DPT: variants seen among roughly 807,000 people sequenced by gnomAD.
The protein encoded by DPT is tyrosine-rich acidic matrix protein.
In DPT, 21 loss-of-function variants were observed where a neutral mutation model predicts 31.2. The observed-to-expected ratio is 0.67, with a 90% CI of 0.48 to 0.97. The LOEUF (loss-of-function observed/expected upper bound fraction) is 0.97. Ranked by LOEUF, DPT falls within the 50% of genes least tolerant of loss-of-function variation. The pLI is 0.00. For synonymous variants in DPT, 91 were observed against 86.9 expected, an observed-to-expected ratio of 1.05 and a Z score of -0.26; for missense variants, 262 against 258.8, an observed-to-expected ratio of 1.01 and a Z score of -0.08.
chr1:168,724,166 C>T (rs1483589740), intron 1 of DPT, among the ~76,000 whole-genome samples: 6 of 152,168 alleles, frequency 3.9e-5, no homozygotes, highest in South Asian at 2.1e-4. Flanking sequence ...CATTCTGCGG[C>T]GGCAAAGTGT....
At position 168,728,890 on chromosome 1, in the gene DPT, G is replaced by C; in HGVS notation, c.285C>G (p.Ile95Met). Residue 95 changes from isoleucine to methionine, a missense_variant, in exon 1 of 4, where the codon ATC becomes ATG. By Grantham distance (10) the Ile-to-Met change is conservative. Transcript: ENST00000367817. The stretch of plus-strand genomic sequence containing the variant: ...CTTACCATTCCATGCCAGCCCTGTT[G>C]ATCTCCTCCCACCAGCACTCCGTGG... ...GEPTECWWEE[I>M]NRAGMEWYQT... 6.2e-7 allele frequency: 1 copy of C among 1,614,172 alleles called. No homozygotes were observed.
chr1:168,705,287 T>C (rs115961538), intron 2 of DPT, among the ~76,000 whole-genome samples: 7 of 152,306 alleles, frequency 4.6e-5, no homozygotes, highest in African/African-American at 1.7e-4. Context: ...CTGTTTCACT[T>C]GGGGAAATTA....
chr1:168,726,998 TG>T (rs1177301889), intron 1 of DPT, among the ~76,000 whole-genome samples: 2 of 152,220 alleles, frequency 1.3e-5, no homozygotes, highest in East Asian at 3.9e-4. Flanking sequence ...ACAGTCCGGC[TG>T]AGCCCCTCCA....
intron 1 of DPT, among the ~76,000 whole-genome samples, chr1:168,722,376 T>G (rs1260807271): frequency 6.6e-6 from 1 of 152,222 alleles, no homozygotes; most frequent in Non-Finnish European, 1.5e-5. Flanking sequence ...AATTTGGTTT[T>G]CAACTCCAGC....
chr1:168,698,932 A>G (rs147119156), intron 3 of DPT, among the ~76,000 whole-genome samples: 6 of 152,328 alleles, frequency 3.9e-5, no homozygotes, highest in Non-Finnish European at 5.9e-5. Context: ...TGATGACAGT[A>G]GCAAAGTTGC....
At chr1:168,707,035 A>G (rs1377269644) in intron 2 of DPT, among the ~76,000 whole-genome samples, 2 of 152,198 alleles carry the variant, frequency 1.3e-5, no homozygotes, top group Non-Finnish European at 2.9e-5. Flanking sequence ...TCACCTGTAG[A>G]AGTCTTATTC....
chr1:168,729,167 A>G lies in DPT; in HGVS notation c.8T>C (p.Leu3Pro), dbSNP rs77426373. 970 of 1,612,434 alleles carry G rather than the reference A, an allele frequency of 6.0e-4. 8 individuals are homozygous for G. In the African/African-American group the frequency reaches 0.012, roughly 20 times the overall value. Residue 3 changes from leucine (L) to proline (P), a missense_variant, in exon 1 of 4, where the codon CTC (leucine) becomes CCC (proline). By Grantham distance (98) the Leu-to-Pro change is moderately conservative. Coordinates refer to ENST00000367817, the MANE Select transcript of DPT (RefSeq NM_001937.5). Reference protein sequence around the residue: MDLSLLWVLLPLV... With the variant: MDPSLLWVLLPLV... ...GGGCAGAAGTACCCAGAGAAGACTG[A>G]GGTCCATGCTGCCTGGGATTTTGGC...
At chr1:168,703,986 C>T (rs1230525798) in intron 2 of DPT, among the ~76,000 whole-genome samples, 1 of 152,164 alleles carries the variant, frequency 6.6e-6, no homozygotes. Flanking sequence ...AGTAATAGCT[C>T]CTTAGAGAGA....
intron 1 of DPT, among the ~76,000 whole-genome samples, chr1:168,722,735 C>A (rs1057073319): frequency 3.3e-5 from 5 of 152,036 alleles, no homozygotes; most frequent in Non-Finnish European, 5.9e-5. Flanking sequence ...CTGAGTATTT[C>A]GGAGTTGAGA....
At chr1:168,703,837 A>G (rs1483823415) in intron 2 of DPT, among the ~76,000 whole-genome samples, 1 of 152,218 alleles carries the variant, frequency 6.6e-6, no homozygotes, top group Non-Finnish European at 1.5e-5. Flanking sequence ...AGGAAGAACT[A>G]TTGAGTCAAT....
At chr1:168,714,029 G>T (rs1263834849) in intron 2 of DPT, among the ~76,000 whole-genome samples, 192 bp downstream of exon 2, 1 of 152,148 alleles carries the variant, frequency 6.6e-6, no homozygotes, top group East Asian at 1.9e-4. Context: ...AGAAGGATGT[G>T]GGGGGTTGGA....
At chr1:168,719,346 A>T (rs1438519668) in intron 1 of DPT, among the ~76,000 whole-genome samples, 1 of 152,120 alleles carries the variant, frequency 6.6e-6, no homozygotes, top group Non-Finnish European at 1.5e-5. Context: ...ATTTAACAAG[A>T]CTCACCTAAA....
intron 1 of DPT, among the ~76,000 whole-genome samples, chr1:168,726,757 A>G (rs1318611099): frequency 6.6e-6 from 1 of 152,256 alleles, no homozygotes. Context: ...GGTCATTGCC[A>G]TGCTCCACAT....
In DPT at chr1:168,701,095, C is replaced by G; in HGVS notation, c.461G>C (p.Gly154Ala). Residue 154 changes from glycine (G) to alanine (A), a missense_variant, in exon 3 of 4, where the codon GGT becomes GCT. Gly to Ala is a moderately conservative substitution (Grantham distance 60). Transcript: ENST00000367817. Reference protein sequence around the residue: ...WLTTEYPGHYGEEMDMISYNY... With the variant: ...WLTTEYPGHYAEEMDMISYNY... ...GTAGGAAATCATGTCCATTTCCTCA[C>G]CATAGTGACCTGGATATTCTGTTGT... 6.2e-7 allele frequency: 1 copy of G among 1,613,734 alleles called. No homozygotes were observed. Among genetic ancestry groups the G allele is most frequent in the South Asian group, 1.1e-5 (1 of 91,040 alleles).
chr1:168,697,761 G>A (rs143131671), intron 3 of DPT, among the ~76,000 whole-genome samples: 6 of 152,234 alleles, frequency 3.9e-5, no homozygotes, highest in Non-Finnish European at 8.8e-5. Flanking sequence ...ACGATTCATT[G>A]TTTAGGTGAA....
chr1:168,708,323 A>T (rs910775018), intron 2 of DPT, among the ~76,000 whole-genome samples: 3 of 152,216 alleles, frequency 2.0e-5, no homozygotes, highest in Non-Finnish European at 4.4e-5. Context: ...TATGGAAACC[A>T]TTCCAGCAGA....
chr1:168,701,920 G>C (rs1255482073), intron 2 of DPT, among the ~76,000 whole-genome samples: 1 of 151,662 alleles, frequency 6.6e-6, no homozygotes. Flanking sequence ...GTACATGGTA[G>C]GTGTTGAATC....
At chr1:168,720,732 G>A (rs1025404173) in intron 1 of DPT, among the ~76,000 whole-genome samples, 1 of 152,162 alleles carries the variant, frequency 6.6e-6, no homozygotes, top group Admixed American at 6.5e-5. Flanking sequence ...ATGTGGCACA[G>A]CATCCTTAAC....
At chr1:168,711,391 G>A (rs1649857687) in intron 2 of DPT, among the ~76,000 whole-genome samples, 1 of 152,096 alleles carries the variant, frequency 6.6e-6, no homozygotes, top group Non-Finnish European at 1.5e-5. Flanking sequence ...TGAGGCCCAA[G>A]CCCACTATCT....
Sources: gnomAD v4.1 joint callset for allele counts (sites outside exome capture counted in the v4.1 genomes callset) on GRCh38, gnomAD v4.1.1 for gene constraint, MANE v1.5 for transcripts, NCBI Gene and HGNC (gene_info 2026-07-23, HGNC 2026-07-21) for gene names.